FSD1L: variants seen among roughly 807,000 people sequenced by gnomAD.
FSD1L encodes the protein FSD1-like protein.
FSD1L carries 45 observed loss-of-function variants against 71.6 expected under a neutral mutation model. The ratio of observed to expected loss-of-function variants is 0.63; its 90% CI spans 0.49 to 0.81. FSD1L has a LOEUF of 0.81. Among genes scored for constraint, FSD1L ranks in the 30% least tolerant of loss-of-function variants. The probability of loss-of-function intolerance (pLI) is 0.00; values close to 1 mark genes in which losing one functional copy is unlikely to be tolerated. For missense variants in FSD1L, 561 were observed against 618.1 expected, an observed-to-expected ratio of 0.91 and a Z score of 0.98; for synonymous variants, 197 against 207.2, an observed-to-expected ratio of 0.95 and a Z score of 0.42.
chr9:105,530,532 T>C (rs1357811523), intron 10 of FSD1L: 1 of 679,014 alleles, frequency 1.5e-6, no homozygotes, highest in South Asian at 1.6e-5. Flanking sequence ...AAATTGTTTT[T>C]CTGTTATCAA....
chr9:105,474,847 A>T (rs1354759790), intron 5 of FSD1L, among the ~76,000 whole-genome samples: 2 of 152,238 alleles, frequency 1.3e-5, no homozygotes, highest in African/African-American at 4.8e-5. Flanking sequence ...ATGTGAAGTT[A>T]TGCTATTTAC....
chr9:105,485,311 A>G (rs918474859), intron 7 of FSD1L, among the ~76,000 whole-genome samples: 1 of 152,184 alleles, frequency 6.6e-6, no homozygotes, highest in Admixed American at 6.5e-5. Flanking sequence ...GGGGAACCAG[A>G]CACATGCAAA....
At position 105,549,528 on chromosome 9, in the gene FSD1L, A is replaced by C. The variant is rs1352798808; in HGVS notation, c.*3045A>C. 1 of 152,006 alleles carries C rather than the reference A, an allele frequency of 6.6e-6. No homozygotes were observed. Among genetic ancestry groups the C allele is most frequent in the Non-Finnish European group, 1.5e-5 (1 of 67,900 alleles). The allele number at this position is 152,006 out of a possible 1,614,324, so 9.4% of individuals were successfully genotyped here. A position where few individuals can be genotyped will look rare whatever the true frequency, so the allele number is the denominator to read the frequency against. On this transcript the variant is annotated 3_prime_UTR_variant, in exon 14 of 14. Transcript: ENST00000481272. ...GCCTGTCTATACATGGGTTTCATTG[A>C]TGGTATCTGTATCATCTTGACAAAT...
At chr9:105,500,436 G>A (rs2131334612) in intron 7 of FSD1L, among the ~76,000 whole-genome samples, 1 of 152,284 alleles carries the variant, frequency 6.6e-6, no homozygotes, top group South Asian at 2.1e-4. Flanking sequence ...GCTGGGGTTG[G>A]TCTGGGTATT....
intron 10 of FSD1L, among the ~76,000 whole-genome samples, chr9:105,517,846 A>G (rs757926329): frequency 1.2e-4 from 19 of 152,250 alleles, no homozygotes; most frequent in Non-Finnish European, 2.4e-4. Context: ...AAGTGCCCCA[A>G]TTAAAAGACA....
chr9:105,525,413 T>C, intron 10 of FSD1L: 2 of 1,607,428 alleles, frequency 1.2e-6, no homozygotes, highest in East Asian at 4.5e-5. Flanking sequence ...AGTGATGTTA[T>C]TAATGCTATC....
chr9:105,475,266 T>G (rs746988207), intron 5 of FSD1L, among the ~76,000 whole-genome samples: 23 of 152,192 alleles, frequency 1.5e-4, no homozygotes, highest in Non-Finnish European at 2.5e-4. Flanking sequence ...GAAAATAGTT[T>G]CCTATCCATG....
chr9:105,533,438 T>TTTTTTTTTTTTTTTTTTTC (rs1836046881), intron 10 of FSD1L, among the ~76,000 whole-genome samples: 1 of 132,212 alleles, frequency 7.6e-6, no homozygotes, highest in Non-Finnish European at 1.6e-5. Flanking sequence ...TTTTTTTTTT[T>TTTTTTTTTTTTTTTTTTTC]TTGAGATGGC....
intron 10 of FSD1L, among the ~76,000 whole-genome samples, chr9:105,528,915 GAACTT>G (rs778841913): frequency 1.3e-5 from 2 of 152,052 alleles, no homozygotes; most frequent in Non-Finnish European, 2.9e-5. Flanking sequence ...AATCTACAAA[GAACTT>G]AACCAAATTT....
At chr9:105,540,154 T>C (rs1026024717) in intron 13 of FSD1L, among the ~76,000 whole-genome samples, 3 of 152,150 alleles carry the variant, frequency 2.0e-5, no homozygotes, top group Non-Finnish European at 4.4e-5. Context: ...TAGTATTATC[T>C]TTTAAAAAAT....
At chr9:105,543,028 C>G (rs1043520132) in intron 13 of FSD1L, among the ~76,000 whole-genome samples, 1 of 152,050 alleles carries the variant, frequency 6.6e-6, no homozygotes, top group African/African-American at 2.4e-5. Context: ...TTTTCTAAAT[C>G]ATTTAAATAA....
chr9:105,462,928 A>G (rs1642498885), intron 2 of FSD1L, among the ~76,000 whole-genome samples: 1 of 150,096 alleles, frequency 6.7e-6, no homozygotes, highest in African/African-American at 2.4e-5. Context: ...TCCTGAGGTC[A>G]AGAGTTTGAG....
chr9:105,453,335 C>T (rs1054778775), intron 1 of FSD1L, among the ~76,000 whole-genome samples: 4 of 151,962 alleles, frequency 2.6e-5, no homozygotes, highest in African/African-American at 9.7e-5. Flanking sequence ...GCGCCCGCCA[C>T]CACACTCAGC....
At chr9:105,448,289 GT>G in intron 1 of FSD1L, 54 bp downstream of exon 1, 1 of 1,482,034 alleles carries the variant, frequency 6.7e-7, no homozygotes, top group Non-Finnish European at 9.0e-7. Flanking sequence ...CCGGCACAGG[GT>G]GGGCGGGGCG....
chr9:105,545,085 TG>T (rs1468092514), intron 13 of FSD1L, among the ~76,000 whole-genome samples: 2 of 152,296 alleles, frequency 1.3e-5, no homozygotes, highest in African/African-American at 4.8e-5. Context: ...CATTTGTTTG[TG>T]TCCTCTTTTA....
At chr9:105,522,340 A>G in intron 10 of FSD1L, 2 of 1,614,084 alleles carry the variant, frequency 1.2e-6, no homozygotes, top group Non-Finnish European at 1.7e-6. Context: ...CAGAAACAAA[A>G]AAAGCACAAA....
chr9:105,459,288 T>C (rs1276639388), intron 1 of FSD1L, among the ~76,000 whole-genome samples: 1 of 152,240 alleles, frequency 6.6e-6, no homozygotes, highest in East Asian at 1.9e-4. Context: ...TCTTAAATAT[T>C]CTGATTCCTT....
At chr9:105,453,051 T>G (rs1012293937) in intron 1 of FSD1L, among the ~76,000 whole-genome samples, 34 of 149,324 alleles carry the variant, frequency 2.3e-4, no homozygotes, top group African/African-American at 8.1e-4. Context: ...GTTGTTTTTT[T>G]TTTTTTTTTT....
chr9:105,490,937 C>T (rs1463987175), intron 7 of FSD1L, among the ~76,000 whole-genome samples: 15 of 146,730 alleles, frequency 1.0e-4, no homozygotes, highest in African/African-American at 3.3e-4. Flanking sequence ...AGTCAGGTAG[C>T]GTGATGCCTC....
Sources: allele counts gnomAD v4.1 joint callset (sites outside exome capture counted in the v4.1 genomes callset), GRCh38; gene constraint gnomAD v4.1.1; transcripts MANE v1.5; gene names NCBI Gene and HGNC (gene_info 2026-07-23, HGNC 2026-07-21).